The following EFCAB6 variants were observed in gnomAD, a reference collection of about 807,000 sequenced individuals.
The protein encoded by EFCAB6 is EF-hand calcium binding domain 6.
A neutral mutation model predicts 169.8 loss-of-function variants in EFCAB6; 156 were observed. The observed-to-expected ratio is 0.92, with a 90% CI of 0.81 to 1.05. EFCAB6 has a LOEUF of 1.05. EFCAB6 is among the 50% of genes least tolerant of loss of function. EFCAB6 has a pLI of 0.00. For synonymous variants in EFCAB6, 698 were observed against 676.4 expected, an observed-to-expected ratio of 1.03 and a Z score of -0.50; for missense variants, 1,800 against 1,829.1, an observed-to-expected ratio of 0.98 and a Z score of 0.29.
chr22:43,711,464 G>A lies in EFCAB6; in HGVS notation c.1031+11C>T, dbSNP rs1556245351. The A allele has an allele frequency of 3.9e-6, 6 of 1,554,870 alleles. No homozygotes were observed. Among genetic ancestry groups the A allele is most frequent in the South Asian group, 2.4e-5 (2 of 82,358 alleles). On this transcript the variant is annotated intron_variant, in intron 10 of 31. Coordinates refer to ENST00000262726, the MANE Select transcript of EFCAB6 (RefSeq NM_022785.4). ...GGGAAAAAAATGTCAAGGAAACAAT[G>A]AGACTCTTACCTTTTCATTAACTGG... is the stretch of plus-strand genomic sequence containing the variant.
chr22:43,600,351 C>G, intron 22 of EFCAB6, 88 bp from the exon 23 acceptor site: 1 of 1,333,778 alleles, frequency 7.5e-7, no homozygotes, highest in South Asian at 1.3e-5. Flanking sequence ...CTGCACCATC[C>G]ATGAGGAGCT....
At chr22:43,763,617 A>T (rs2147917620) in intron 5 of EFCAB6, among the ~76,000 whole-genome samples, 1 of 152,210 alleles carries the variant, frequency 6.6e-6, no homozygotes, top group East Asian at 1.9e-4. Context: ...AATTTTTTTA[A>T]TCCCCTTAGG....
intron 19 of EFCAB6, 70 bp downstream of exon 19, chr22:43,632,035 C>A (rs1295150850): frequency 1.9e-6 from 3 of 1,570,114 alleles, no homozygotes; most frequent in East Asian, 2.3e-5. Context: ...AGGACTCACA[C>A]CCACTTGGGC....
chr22:43,621,157 C>T (rs1214159045), intron 20 of EFCAB6, among the ~76,000 whole-genome samples: 5 of 150,700 alleles, frequency 3.3e-5, no homozygotes, highest in African/African-American at 1.2e-4. Context: ...GGTGCGATCT[C>T]GGCTCACTGC....
intron 21 of EFCAB6, among the ~76,000 whole-genome samples, chr22:43,612,806 A>T (rs1270489232): frequency 6.6e-6 from 1 of 151,936 alleles, no homozygotes; most frequent in Non-Finnish European, 1.5e-5. Flanking sequence ...AGGCATGAGG[A>T]TCACTTTAAC....
intron 10 of EFCAB6, among the ~76,000 whole-genome samples, chr22:43,688,030 C>A (rs1394155147): frequency 6.6e-6 from 1 of 152,164 alleles, no homozygotes; most frequent in African/African-American, 2.4e-5. Context: ...GATGGAGCAA[C>A]TCTCCTGGTT....
chr22:43,568,407 G>T (rs1214110570), intron 26 of EFCAB6, among the ~76,000 whole-genome samples: 2 of 152,200 alleles, frequency 1.3e-5, no homozygotes, highest in Admixed American at 6.5e-5. Context: ...TGACCTCATA[G>T]AATCACTGGT....
intron 29 of EFCAB6, 111 bp from the exon 30 acceptor site, chr22:43,534,983 G>A: frequency 8.5e-7 from 1 of 1,180,478 alleles, no homozygotes; most frequent in Non-Finnish European, 1.2e-6. Context: ...CCCTGGCTTG[G>A]TCCTCACATC....
chr22:43,662,369 C>T (rs1051995232), intron 17 of EFCAB6, among the ~76,000 whole-genome samples: 4 of 152,040 alleles, frequency 2.6e-5, no homozygotes, highest in Non-Finnish European at 5.9e-5. Flanking sequence ...GGCAGCCACC[C>T]TCTGCCATGG....
At chr22:43,704,042 CCAAAGAGGAGGTCGCCAAGA>C (rs2058861920) in intron 10 of EFCAB6, among the ~76,000 whole-genome samples, 1 of 151,644 alleles carries the variant, frequency 6.6e-6, no homozygotes, top group Non-Finnish European at 1.5e-5. Flanking sequence ...CAAATTCAAC[CCAAAGAGGAGGTCGCCAAGA>C]CAACATAATA....
chr22:43,666,661 T>C (rs1476360131), intron 17 of EFCAB6, among the ~76,000 whole-genome samples: 1 of 151,112 alleles, frequency 6.6e-6, no homozygotes, highest in East Asian at 1.9e-4. Context: ...AAATCAGCAC[T>C]CTGAGTTTCC....
At chr22:43,608,387 G>T (rs1164754531) in intron 22 of EFCAB6, 95 bp downstream of exon 22, 2 of 1,044,926 alleles carry the variant, frequency 1.9e-6, no homozygotes, top group Non-Finnish European at 2.9e-6. Flanking sequence ...CCAGCCCCCA[G>T]TTACCCTGAT....
At chr22:43,690,599 G>T (rs1160112317) in intron 10 of EFCAB6, among the ~76,000 whole-genome samples, 1 of 151,502 alleles carries the variant, frequency 6.6e-6, no homozygotes, top group African/African-American at 2.4e-5. Flanking sequence ...TCTTAGGATA[G>T]AAACGACACT....
intron 17 of EFCAB6, among the ~76,000 whole-genome samples, chr22:43,646,923 T>TA (rs2056193550): frequency 6.6e-6 from 1 of 152,248 alleles, no homozygotes; most frequent in Non-Finnish European, 1.5e-5. Flanking sequence ...ATTAAACATT[T>TA]AACTGTGCAT....
At chr22:43,665,033 G>C (rs140251089) in intron 17 of EFCAB6, among the ~76,000 whole-genome samples, 92 of 152,244 alleles carry the variant, frequency 6.0e-4, no homozygotes, top group African/African-American at 2.0e-3. Context: ...ATTGGATGTG[G>C]GTACAAGAGG....
At chr22:43,529,722 C>G (rs990150838) in intron 31 of EFCAB6, among the ~76,000 whole-genome samples, 1 of 152,150 alleles carries the variant, frequency 6.6e-6, no homozygotes, top group Non-Finnish European at 1.5e-5. Context: ...AGGAAGGAAG[C>G]CAGGAGTTGA....
chr22:43,714,017 G>A (rs892533181), intron 9 of EFCAB6, among the ~76,000 whole-genome samples: 3 of 151,978 alleles, frequency 2.0e-5, no homozygotes, highest in African/African-American at 7.3e-5. Flanking sequence ...AACTAAATTA[G>A]AAAATCAATT....
At chr22:43,657,480 A>C (rs1264242129) in intron 17 of EFCAB6, among the ~76,000 whole-genome samples, 2 of 152,168 alleles carry the variant, frequency 1.3e-5, no homozygotes, top group East Asian at 1.9e-4. Context: ...AATACATTTT[A>C]AAAATAAACC....
chr22:43,761,792 A>G (rs566815647), intron 5 of EFCAB6, among the ~76,000 whole-genome samples: 1 of 142,274 alleles, frequency 7.0e-6, no homozygotes, highest in East Asian at 2.1e-4. Context: ...TCCTTCTTTG[A>G]TAGTTTCATA....
Sources: allele counts gnomAD v4.1 joint callset (sites outside exome capture counted in the v4.1 genomes callset), GRCh38; gene constraint gnomAD v4.1.1; transcripts MANE v1.5; gene names NCBI Gene and HGNC (gene_info 2026-07-23, HGNC 2026-07-21).